PTK2: variants seen among roughly 807,000 people sequenced by gnomAD.
PTK2 encodes focal adhesion kinase 1.
Under a neutral mutation model 150.1 loss-of-function variants are expected in PTK2, and 45 were observed. The ratio of observed to expected loss-of-function variants is 0.30; its 90% CI spans 0.24 to 0.38. PTK2 has a LOEUF of 0.38. Ranked by LOEUF, PTK2 falls within the 10% of genes least tolerant of loss-of-function variation. The pLI is 1.00. For synonymous variants in PTK2, 432 were observed against 449.2 expected (o/e 0.96, Z 0.48); for missense variants, 919 against 1,307.3 (o/e 0.70, Z 4.58).
intron 1 of PTK2, among the ~76,000 whole-genome samples, chr8:140,933,261 C>G (rs1419212039): frequency 6.6e-6 from 1 of 151,398 alleles, no homozygotes; most frequent in Non-Finnish European, 1.5e-5. Context: ...AAGAGCATTT[C>G]CTTTAGAAAA....
chr8:140,700,329 G>A (rs1365274855), intron 26 of PTK2, among the ~76,000 whole-genome samples: 2 of 151,876 alleles, frequency 1.3e-5, no homozygotes, highest in Non-Finnish European at 2.9e-5. Context: ...CACAATGCCT[G>A]GCTAATTTTT....
intron 30 of PTK2, among the ~76,000 whole-genome samples, chr8:140,667,087 T>C (rs1315151815): frequency 6.6e-6 from 1 of 151,878 alleles, no homozygotes; most frequent in African/African-American, 2.4e-5. Flanking sequence ...AGATAGCAAG[T>C]AGGATGGAGG....
At chr8:140,803,578 C>T (rs1022860198) in exon 11 of PTK2, 4 of 1,613,920 alleles carry the variant, frequency 2.5e-6, no homozygotes, top group Non-Finnish European at 3.4e-6. Flanking sequence ...TGTAGCATTC[C>T]TTTTCTGTCC....
intron 14 of PTK2, among the ~76,000 whole-genome samples, chr8:140,786,945 C>CT (rs1344389721): frequency 6.6e-6 from 1 of 151,818 alleles, no homozygotes; most frequent in East Asian, 1.9e-4. Flanking sequence ...CAGCCACCAA[C>CT]TTTTTTTTGG....
intron 2 of PTK2, chr8:140,892,658 G>C (rs1200421563): frequency 2.4e-6 from 1 of 417,194 alleles, no homozygotes; most frequent in Admixed American, 3.3e-5. Flanking sequence ...TGGTATAACA[G>C]CACAGTAAAA....
chr8:140,668,553 TGC>T, intron 29 of PTK2, 129 bp from the exon 34 acceptor site: 1 of 1,064,362 alleles, frequency 9.4e-7, no homozygotes, highest in Non-Finnish European at 1.4e-6. Flanking sequence ...TTCTTGTGTG[TGC>T]GGGATATAGT....
At chr8:140,896,373 A>C (rs569615285) in intron 2 of PTK2, among the ~76,000 whole-genome samples, 1 of 152,334 alleles carries the variant, frequency 6.6e-6, no homozygotes, top group South Asian at 2.1e-4. Flanking sequence ...CCTTTCTTAT[A>C]AACACAGATG....
intron 2 of PTK2, among the ~76,000 whole-genome samples, chr8:140,910,324 T>C (rs1247036459): frequency 6.7e-6 from 1 of 149,562 alleles, no homozygotes; most frequent in Non-Finnish European, 1.5e-5. Flanking sequence ...TTCCCTTGCC[T>C]TTTTTTTTAA....
chr8:140,761,083 G>C, intron 16 of PTK2, 82 bp downstream of exon 19: 1 of 872,050 alleles, frequency 1.1e-6, no homozygotes, highest in Non-Finnish European at 1.9e-6. Context: ...GAAGAACTAA[G>C]GACTCATGAA....
intron 4 of PTK2, among the ~76,000 whole-genome samples, chr8:140,868,668 C>T (rs983795955): frequency 2.0e-5 from 3 of 152,082 alleles, no homozygotes; most frequent in Non-Finnish European, 4.4e-5. Context: ...TGACTGCAGC[C>T]GTTTTGCCAA....
intron 1 of PTK2, among the ~76,000 whole-genome samples, chr8:140,952,640 T>A (rs1389371937): frequency 6.6e-6 from 1 of 152,216 alleles, no homozygotes; most frequent in African/African-American, 2.4e-5. Flanking sequence ...TAAATTATCA[T>A]GAATTCTGAC....
At chr8:140,891,317 G>A (rs939446611) in intron 2 of PTK2, among the ~76,000 whole-genome samples, 2 of 151,856 alleles carry the variant, frequency 1.3e-5, no homozygotes, top group African/African-American at 4.8e-5. Flanking sequence ...AAAACAAAAC[G>A]AAAAAAGCAT....
At chr8:140,983,650 G>A (rs2154610011) in intron 1 of PTK2, among the ~76,000 whole-genome samples, 1 of 148,816 alleles carries the variant, frequency 6.7e-6, no homozygotes, top group East Asian at 2.0e-4. Context: ...GTCCTAGAGA[G>A]AGGGAAGTGA....
At chr8:140,998,173 T>C (rs2100198511) in intron 1 of PTK2, among the ~76,000 whole-genome samples, 1 of 152,220 alleles carries the variant, frequency 6.6e-6, no homozygotes, top group South Asian at 2.1e-4. Context: ...CTTTTAATGT[T>C]ACTGAAATTT....
intron 31 of PTK2, chr8:140,662,732 G>T: frequency 1.7e-6 from 1 of 590,494 alleles, no homozygotes; most frequent in Non-Finnish European, 3.3e-6. Flanking sequence ...CCTGGACATC[G>T]TATGTCTCTG....
intron 11 of PTK2, among the ~76,000 whole-genome samples, chr8:140,801,796 C>T (rs576001684): frequency 7.2e-5 from 11 of 152,196 alleles, no homozygotes; most frequent in Middle Eastern, 3.4e-3. Flanking sequence ...AGTCAATGCA[C>T]CACATAACAA....
intron 1 of PTK2, among the ~76,000 whole-genome samples, chr8:140,956,387 T>C (rs1374670435): frequency 1.3e-5 from 2 of 152,234 alleles, no homozygotes; most frequent in South Asian, 2.1e-4. Flanking sequence ...TCACGCGTTT[T>C]AGTGAAGCTG....
intron 1 of PTK2, among the ~76,000 whole-genome samples, chr8:140,992,301 A>G (rs1251741679): frequency 1.3e-5 from 2 of 151,352 alleles, no homozygotes; most frequent in Non-Finnish European, 1.5e-5. Flanking sequence ...CGGAAAAAAA[A>G]AAAAAAAAAA....
intron 27 of PTK2, among the ~76,000 whole-genome samples, chr8:140,684,102 C>A (rs1476524988): frequency 2.6e-5 from 4 of 152,180 alleles, no homozygotes. Flanking sequence ...ATTTTATACA[C>A]AGAAAACGCC....
Sources: gnomAD v4.1 joint callset for allele counts (sites outside exome capture counted in the v4.1 genomes callset) on GRCh38, gnomAD v4.1.1 for gene constraint, MANE v1.5 for transcripts, NCBI Gene and HGNC (gene_info 2026-07-23, HGNC 2026-07-21) for gene names.